FHIP1B: variants seen among roughly 807,000 people sequenced by gnomAD.
The protein encoded by FHIP1B is FHF complex subunit HOOK-interacting protein 1B.
FHIP1B carries 28 observed loss-of-function variants against 82.2 expected under a neutral mutation model. The observed-to-expected ratio is 0.34, with a 90% CI of 0.25 to 0.47. FHIP1B has a LOEUF of 0.47. Among genes scored for constraint, FHIP1B ranks in the 20% least tolerant of loss-of-function variants. FHIP1B has a pLI of 1.00. For synonymous variants in FHIP1B, 585 were observed against 516.1 expected (o/e 1.13, Z -1.81); for missense variants, 1,110 against 1,262.6 (o/e 0.88, Z 1.83).
chr11:6,223,017 G>A lies in FHIP1B; in HGVS notation c.936+63C>T. 4.4e-6 allele frequency: 7 copies of A among 1,582,114 alleles called. No individual in the cohort carries two copies. The highest frequency in any genetic ancestry group is 6.0e-6 in the Non-Finnish European group (7 of 1,159,698). ...AAGATGGAAAAATGACAGAACTCCAGGGAATATACCCCCTCCTACCTAATC... is the reference window on the plus strand; with the variant it reads ...AAGATGGAAAAATGACAGAACTCCAAGGAATATACCCCCTCCTACCTAATC... On this transcript the variant is annotated intron_variant, in intron 4 of 11. Transcript: ENST00000449352. The surrounding 1 kb of genome is among the most constrained non-coding windows in gnomAD (Gnocchi z 4.8).
intron 4 of FHIP1B, 58 bp from the exon 5 acceptor site, chr11:6,222,955 A>G: frequency 1.3e-6 from 2 of 1,588,080 alleles, no homozygotes; most frequent in Non-Finnish European, 1.7e-6. Context: ...CCTGGAAGGG[A>G]GTAGAATAGT....
At position 6,217,735 on chromosome 11, in the gene FHIP1B, C is replaced by A. The variant is rs769044717; in HGVS notation, c.1851G>T (p.Arg617Ser). Residue 617 changes from arginine to serine, a missense_variant, in exon 9 of 12, where the codon AGG becomes AGT. Transcript: ENST00000449352. The part of the protein sequence containing the change: ...GEGEEEELGR[R>S]GRAGGAGEGP... ...CCTCCCCTGCACCCCCAGCCCGCCC[C>A]CTCCTCCCCAGCTCTTCCTCCTCCC... The A allele has an allele frequency of 6.2e-7, 1 of 1,605,900 alleles. No homozygotes were observed. Among genetic ancestry groups the A allele is most frequent in the South Asian group, 1.1e-5 (1 of 90,280 alleles).
In FHIP1B at chr11:6,223,302, G is replaced by A. The variant is rs1488632439; in HGVS notation, c.778-64C>T. 2 of 1,500,802 alleles carry A rather than the reference G, an allele frequency of 1.3e-6. No homozygotes were observed. The highest frequency in any genetic ancestry group is 1.4e-5 in the African/African-American group (1 of 69,386). The allele number at this position is 1,500,802 out of a possible 1,614,324, so 93.0% of individuals were successfully genotyped here. ...TTATAAAATATAAAAACTGGAACAG[G>A]GGAGCTAGTAATCCAGAGTTTTGAT... On this transcript the variant is annotated intron_variant, in intron 3 of 11. Transcript: ENST00000449352. This position sits in a 1 kb window ranked among gnomAD's most constrained non-coding sequence, Gnocchi z 4.8.
At chr11:6,233,697 G>C (rs955746652) in intron 1 of FHIP1B, among the ~76,000 whole-genome samples, 4 of 152,164 alleles carry the variant, frequency 2.6e-5, no homozygotes, top group Admixed American at 2.0e-4. Context: ...CTCCATAAAA[G>C]TAGAATTAGC....
At position 6,224,746 on chromosome 11, in the gene FHIP1B, G is replaced by C. The variant is rs1037588444; in HGVS notation, c.-191-39C>G. 11 of 526,356 alleles carry C rather than the reference G, an allele frequency of 2.1e-5. No individual in the cohort carries two copies. In the African/African-American group the frequency reaches 2.1e-4, roughly 10 times the overall value. The allele number at this position is 526,356 out of a possible 1,614,324, so 32.6% of individuals were successfully genotyped here. On this transcript the variant is annotated intron_variant, in intron 1 of 11. Coordinates refer to ENST00000449352, the MANE Select transcript of FHIP1B (RefSeq NM_001098794.2). ...GAGATAATGGAAGGGATAAATAGAA[G>C]CTCACTTTCCAGAACTCAGAACCAC...
chr11:6,220,120 G>T (rs7114859), intron 6 of FHIP1B, among the ~76,000 whole-genome samples: 104,036 of 152,004 alleles, frequency 0.68, 37,206 homozygotes, highest in East Asian at 0.95. Context: ...GCAGATGTGA[G>T]TATCCTAGAT....
chr11:6,215,929 G>A (rs971059758), intron 9 of FHIP1B, among the ~76,000 whole-genome samples: 1 of 152,162 alleles, frequency 6.6e-6, no homozygotes, highest in African/African-American at 2.4e-5. Flanking sequence ...CACTCCAGGT[G>A]CACATGTCTA....
In FHIP1B at chr11:6,224,461, A is replaced by G. The variant is rs1357676445; in HGVS notation, c.56T>C (p.Ile19Thr). The change falls in exon 2 of 12, where the codon ATA becomes ACA. Residue 19 changes from isoleucine to threonine, a missense_variant. Ile to Thr is a moderately conservative substitution (Grantham distance 89, BLOSUM62 -1). Around this residue, in one of 6 missense-constraint regions of FHIP1B, gnomAD observed 467 missense variants for 602.9 expected, o/e 0.77. Transcript: ENST00000449352. Reference sequence around the variant, plus strand: ...GGTTTGGAGATTGGCCCCTTGAGGTATACGGTGCCCAGGGCCCCGGGAGGC... The same window carrying G: ...GGTTTGGAGATTGGCCCCTTGAGGTGTACGGTGCCCAGGGCCCCGGGAGGC... ...RLASRGPGHR[I>T]PQGANLQTPV... 4 of 1,614,136 alleles carry G rather than the reference A, an allele frequency of 2.5e-6. No homozygotes were observed. The highest frequency in any genetic ancestry group is 1.3e-5 in the African/African-American group (1 of 75,034).
intron 6 of FHIP1B, among the ~76,000 whole-genome samples, chr11:6,219,383 T>C (rs1410019991): frequency 6.6e-6 from 1 of 152,140 alleles, no homozygotes; most frequent in Non-Finnish European, 1.5e-5. Flanking sequence ...AGAAATACTG[T>C]GATTGAGTGA....
intron 6 of FHIP1B, among the ~76,000 whole-genome samples, chr11:6,219,301 C>T (rs1453791079): frequency 6.6e-6 from 1 of 152,224 alleles, no homozygotes; most frequent in Non-Finnish European, 1.5e-5. Context: ...CTTCTATAGA[C>T]TCTCTAGCTA....
rs1847795059 is a variant in FHIP1B at position 6,234,592 on chromosome 11, G to C, written c.-240C>G. ...CTGGCCGGGCCCGGTTGCTGCTGCG[G>C]TGTTAGGTGAGTTCAGGCCGCCGCC... On this transcript the variant is annotated 5_prime_UTR_variant, in exon 1 of 12. Transcript: ENST00000449352. 6.5e-6 allele frequency: 1 copy of C among 153,018 alleles called. No homozygotes were observed. Among genetic ancestry groups the C allele is most frequent in the South Asian group, 2.0e-4 (1 of 4,938 alleles). The allele number at this position is 153,018 out of a possible 1,614,324, so 9.5% of individuals were successfully genotyped here. A position where few individuals can be genotyped will look rare whatever the true frequency, so the allele number is the denominator to read the frequency against.
At chr11:6,215,833 A>G (rs746811934) in intron 9 of FHIP1B, among the ~76,000 whole-genome samples, 3 of 152,190 alleles carry the variant, frequency 2.0e-5, no homozygotes, top group Non-Finnish European at 4.4e-5. Context: ...GGGAGTATAT[A>G]TCTAAGAACT....
At position 6,224,641 on chromosome 11, in the gene FHIP1B, G is replaced by C; in HGVS notation, c.-125C>G. 1 of 1,012,986 alleles carries C rather than the reference G, an allele frequency of 9.9e-7. No homozygotes were observed. The highest frequency in any genetic ancestry group is 1.4e-6 in the Non-Finnish European group (1 of 706,646). 62.7% of individuals were successfully genotyped at this position (1,012,986 alleles called of 1,614,324 possible). A position where few individuals can be genotyped will look rare whatever the true frequency, so the allele number is the denominator to read the frequency against. On this transcript the variant is annotated 5_prime_UTR_variant, in exon 2 of 12. Coordinates refer to ENST00000449352, the MANE Select transcript of FHIP1B (RefSeq NM_001098794.2). ...CTGTAGGAGCCAGTAGCTGCCCATG[G>C]AGCCAGAGGTTATACCAGGCTGGAA...
At position 6,224,437 on chromosome 11, in the gene FHIP1B, GT is replaced by G. The variant is rs1204244943; in HGVS notation, c.79del (p.Thr27ProfsTer51). The G allele has an allele frequency of 6.2e-7, 1 of 1,614,036 alleles. No homozygotes were observed. The highest frequency in any genetic ancestry group is 1.7e-5 in the Admixed American group (1 of 60,002). On this transcript the variant is annotated frameshift_variant, in exon 2 of 12. Coordinates refer to ENST00000449352, the MANE Select transcript of FHIP1B (RefSeq NM_001098794.2). LOFTEE classifies it high-confidence loss of function. ...GGTCTCGGGATCAGCCATGACTGGG[GT>G]TTGGAGATTGGCCCCTTGAGGTATA... ...HRIPQGANLQ[T>X]PVMADPETCL...
intron 1 of FHIP1B, among the ~76,000 whole-genome samples, chr11:6,228,294 G>A (rs1254339378): frequency 6.6e-6 from 1 of 152,048 alleles, no homozygotes; most frequent in African/African-American, 2.4e-5. Context: ...AGGTTGCGGT[G>A]AGCCAAGATC....
In FHIP1B at chr11:6,224,567, G is replaced by T. The variant is rs934819919; in HGVS notation, c.-51C>A. 1.2e-5 allele frequency: 19 copies of T among 1,539,576 alleles called. No homozygotes were observed. In the Admixed American group the frequency reaches 3.2e-4, roughly 26 times the overall value. On this transcript the variant is annotated 5_prime_UTR_variant, in exon 2 of 12. Coordinates refer to ENST00000449352, the MANE Select transcript of FHIP1B (RefSeq NM_001098794.2). ...CCAGAGGCCTACACTCTGAGGATTT[G>T]CCAGCTGGAGGTTTTCTCCACTTGT...
At chr11:6,217,314 C>T (rs1847259168) in intron 9 of FHIP1B, 57 bp downstream of exon 9, 1 of 1,519,532 alleles carries the variant, frequency 6.6e-7, no homozygotes, top group South Asian at 1.1e-5. Context: ...CCAGCACAAA[C>T]ATGTCGAGAA....
At chr11:6,215,542 C>A (rs1207233989) in intron 9 of FHIP1B, among the ~76,000 whole-genome samples, 1 of 152,082 alleles carries the variant, frequency 6.6e-6, no homozygotes, top group Non-Finnish European at 1.5e-5. Context: ...CTATGTGAGC[C>A]AATTTAAAGT....
chr11:6,229,000 T>C (rs1847632659), intron 1 of FHIP1B, among the ~76,000 whole-genome samples: 3 of 152,254 alleles, frequency 2.0e-5, no homozygotes, highest in Non-Finnish European at 4.4e-5. Context: ...TTAAACCCTA[T>C]CCATATCTTT....
Sources: allele counts gnomAD v4.1 joint callset (sites outside exome capture counted in the v4.1 genomes callset), GRCh38; gene constraint gnomAD v4.1.1; regional missense constraint gnomAD v4.1.1; non-coding constraint Gnocchi (gnomAD v3.1); transcripts MANE v1.5; gene names NCBI Gene and HGNC (gene_info 2026-07-23, HGNC 2026-07-21).